The following SYT16 variants were observed in gnomAD, a reference collection of about 807,000 sequenced individuals.
SYT16 encodes the protein synaptotagmin 16.
A neutral mutation model predicts 61.4 loss-of-function variants in SYT16; 42 were observed. The ratio of observed to expected loss-of-function variants is 0.68; its 90% CI spans 0.53 to 0.89. The LOEUF (loss-of-function observed/expected upper bound fraction) is 0.89, where lower values mean the gene tolerates loss of function less well. SYT16 is among the 40% of genes least tolerant of loss of function. The pLI is 0.00. For synonymous variants in SYT16, 314 were observed against 302.3 expected (o/e 1.04, Z -0.40); for missense variants, 804 against 807.3 (o/e 1.00, Z 0.05).
intron 1 of SYT16, among the ~76,000 whole-genome samples, chr14:61,934,988 T>C (rs1457724940): frequency 6.6e-6 from 1 of 152,228 alleles, no homozygotes; most frequent in Non-Finnish European, 1.5e-5. Flanking sequence ...TTTTCAAAAT[T>C]TATTTATTGC....
At chr14:61,909,889 A>C (rs1256855525) in intron 1 of SYT16, among the ~76,000 whole-genome samples, 2 of 152,106 alleles carry the variant, frequency 1.3e-5, no homozygotes, top group Non-Finnish European at 2.9e-5. Flanking sequence ...TTTTCTTCTA[A>C]GTTGTCTCTG....
Position 61,995,857 on chromosome 14 carries a change from T to C in SYT16, c.-144-19T>C. 5.9e-6 allele frequency: 4 copies of C among 682,652 alleles called. No individual in the cohort carries two copies. The highest frequency in any genetic ancestry group is 9.3e-6 in the Non-Finnish European group (4 of 430,226). 42.3% of individuals were successfully genotyped at this position (682,652 alleles called of 1,614,324 possible). Reference sequence around the variant, plus strand: ...GTTGTAACTTTAACAGGTGTAAGTATTTCTTTCCTCTGTTTCAGCTGGAAG... The same window carrying C: ...GTTGTAACTTTAACAGGTGTAAGTACTTCTTTCCTCTGTTTCAGCTGGAAG... On this transcript the variant is annotated intron_variant, in intron 2 of 7. Transcript: ENST00000683842.
intron 3 of SYT16, among the ~76,000 whole-genome samples, chr14:62,025,438 T>C (rs977983903): frequency 7.2e-5 from 11 of 152,140 alleles, no homozygotes; most frequent in African/African-American, 2.7e-4. Flanking sequence ...CATTTTTAAT[T>C]GGGTTTTTCA....
At chr14:61,882,978 G>A (rs893331711) in intron 1 of SYT16, among the ~76,000 whole-genome samples, 4 of 152,210 alleles carry the variant, frequency 2.6e-5, no homozygotes, top group African/African-American at 4.8e-5. Context: ...ACCCTCTGAA[G>A]CAATGGTCTG....
At chr14:61,846,867 A>G (rs892492374) in intron 1 of SYT16, among the ~76,000 whole-genome samples, 2 of 152,132 alleles carry the variant, frequency 1.3e-5, no homozygotes, top group African/African-American at 2.4e-5. Context: ...TGCAAATACT[A>G]TCTTATAACC....
intron 1 of SYT16, among the ~76,000 whole-genome samples, chr14:61,889,740 C>G (rs2048050120): frequency 1.3e-5 from 2 of 151,854 alleles, no homozygotes; most frequent in Non-Finnish European, 2.9e-5. Flanking sequence ...AGTCTGAGGC[C>G]CTCCCTCAAT....
chr14:62,104,542 G>A lies in SYT16; in HGVS notation c.*3835G>A, dbSNP rs1036038860. On this transcript the variant is annotated 3_prime_UTR_variant, in exon 8 of 8. Transcript: ENST00000683842. Reference sequence around the variant, plus strand: ...TACATAAATGTGCTGGATACATTTAGCATCCTCCAGTGAGTTGTATGTAAG... The same window carrying A: ...TACATAAATGTGCTGGATACATTTAACATCCTCCAGTGAGTTGTATGTAAG... The A allele has an allele frequency of 6.6e-6, 1 of 152,222 alleles. No homozygotes were observed. The highest frequency in any genetic ancestry group is 1.5e-5 in the Non-Finnish European group (1 of 68,040). 9.4% of individuals were successfully genotyped at this position (152,222 alleles called of 1,614,324 possible). A position where few individuals can be genotyped will look rare whatever the true frequency, so the allele number is the denominator to read the frequency against.
chr14:62,065,739 G>A (rs1012981464), intron 3 of SYT16, among the ~76,000 whole-genome samples: 3 of 152,146 alleles, frequency 2.0e-5, no homozygotes, highest in South Asian at 2.1e-4. Context: ...TGCTTAGCTG[G>A]TCCTGTACTC....
chr14:62,061,400 A>G (rs533674338), intron 3 of SYT16, among the ~76,000 whole-genome samples: 8 of 152,282 alleles, frequency 5.3e-5, no homozygotes, highest in Admixed American at 2.6e-4. Context: ...AAACCTAGCA[A>G]TGTTCATACA....
intron 2 of SYT16, among the ~76,000 whole-genome samples, chr14:61,976,154 C>G (rs1252175063): frequency 1.3e-5 from 2 of 152,204 alleles, no homozygotes; most frequent in African/African-American, 4.8e-5. Context: ...GTCTCGCATC[C>G]AGGTCATGCT....
At chr14:61,833,798 A>G (rs1422844814) in intron 1 of SYT16, among the ~76,000 whole-genome samples, 2 of 148,284 alleles carry the variant, frequency 1.3e-5, no homozygotes, top group Admixed American at 6.7e-5. Context: ...GCTAGCGAGC[A>G]GGCTGTGTAC....
chr14:61,884,155 C>T (rs747697342), intron 1 of SYT16, among the ~76,000 whole-genome samples: 2 of 152,172 alleles, frequency 1.3e-5, no homozygotes, highest in African/African-American at 2.4e-5. Flanking sequence ...TGTTTTTCTG[C>T]ACCTACCTTT....
intron 1 of SYT16, among the ~76,000 whole-genome samples, chr14:61,952,960 A>G (rs1416392909): frequency 2.6e-5 from 4 of 152,212 alleles, no homozygotes; most frequent in Non-Finnish European, 5.9e-5. Flanking sequence ...CTGAGTATCT[A>G]TGAATATTAT....
intron 1 of SYT16, among the ~76,000 whole-genome samples, chr14:61,843,162 GT>G (rs2046349439): frequency 6.6e-6 from 1 of 151,888 alleles, no homozygotes; most frequent in Non-Finnish European, 1.5e-5. Flanking sequence ...CCTCCCAACT[GT>G]TCTTCGTAGT....
At chr14:61,875,976 C>T (rs917012023) in intron 1 of SYT16, among the ~76,000 whole-genome samples, 2 of 152,144 alleles carry the variant, frequency 1.3e-5, no homozygotes, top group African/African-American at 4.8e-5. Flanking sequence ...TGGGGAATTT[C>T]CCAAACCCAG....
At chr14:61,917,194 C>A (rs772545877) in intron 1 of SYT16, among the ~76,000 whole-genome samples, 21 of 152,150 alleles carry the variant, frequency 1.4e-4, no homozygotes, top group Non-Finnish European at 2.8e-4. Flanking sequence ...GTGATCCCAA[C>A]AAGTGAAGAT....
intron 1 of SYT16, among the ~76,000 whole-genome samples, chr14:61,946,236 G>T (rs1202190711): frequency 6.6e-6 from 1 of 152,148 alleles, no homozygotes; most frequent in Non-Finnish European, 1.5e-5. Flanking sequence ...GATGTATTTT[G>T]CAGCAACATG....
At chr14:61,847,863 T>G (rs2046489668) in intron 1 of SYT16, among the ~76,000 whole-genome samples, 1 of 152,230 alleles carries the variant, frequency 6.6e-6, no homozygotes, top group South Asian at 2.1e-4. Context: ...TTCTTCAGTA[T>G]GTCAATTGTA....
Position 62,111,232 on chromosome 14 carries a change from G to A in SYT16, c.*10525G>A, listed in dbSNP as rs2057602973. The stretch of plus-strand genomic sequence containing the variant: ...TCCTTTATATCTCAACTTTTGATGG[G>A]TGTCCTTGAAGAACTTTCATGAAAA... On this transcript the variant is annotated 3_prime_UTR_variant, in exon 8 of 8. Transcript: ENST00000683842. 2 of 151,838 alleles carry A rather than the reference G, an allele frequency of 1.3e-5. No homozygotes were observed. Among genetic ancestry groups the A allele is most frequent in the African/African-American group, 4.8e-5 (2 of 41,356 alleles). 9.4% of individuals were successfully genotyped at this position (151,838 alleles called of 1,614,324 possible).
Sources: gnomAD v4.1 joint callset for allele counts (sites outside exome capture counted in the v4.1 genomes callset) on GRCh38, gnomAD v4.1.1 for gene constraint, MANE v1.5 for transcripts, NCBI Gene and HGNC (gene_info 2026-07-23, HGNC 2026-07-21) for gene names.